CDH12: variants seen among roughly 807,000 people sequenced by gnomAD.
CDH12 encodes the protein cadherin 12.
A neutral mutation model predicts 74.1 loss-of-function variants in CDH12; 41 were observed. That is an observed-to-expected ratio of 0.55 (90% CI 0.43 to 0.72). The LOEUF is 0.72. Ranked by LOEUF, CDH12 falls within the 30% of genes least tolerant of loss-of-function variation. The probability of loss-of-function intolerance (pLI) is 0.00; values close to 1 mark genes in which losing one functional copy is unlikely to be tolerated. For synonymous variants in CDH12, 399 were observed against 355.0 expected, an observed-to-expected ratio of 1.12 and a Z score of -1.39; for missense variants, 945 against 977.2, an observed-to-expected ratio of 0.97 and a Z score of 0.44.
intron 1 of CDH12, among the ~76,000 whole-genome samples, chr5:22,543,572 C>T: frequency 6.6e-6 from 1 of 151,888 alleles, no homozygotes; most frequent in East Asian, 1.9e-4. Flanking sequence ...ACAACTGTAC[C>T]CAAGAAGTAA....
chr5:22,657,034 C>A (rs746121484), intron 1 of CDH12, among the ~76,000 whole-genome samples: 20 of 152,072 alleles, frequency 1.3e-4, no homozygotes, highest in Non-Finnish European at 2.6e-4. Context: ...AGGTATGAGC[C>A]ACCATGCCTG....
intron 1 of CDH12, among the ~76,000 whole-genome samples, chr5:22,539,015 C>A (rs555982494): frequency 6.6e-6 from 1 of 152,324 alleles, no homozygotes; most frequent in South Asian, 2.1e-4. Context: ...CCCACCTCAG[C>A]CTCCTGAGTA....
chr5:21,973,556 C>A (rs1349584827), intron 6 of CDH12, among the ~76,000 whole-genome samples: 1 of 152,024 alleles, frequency 6.6e-6, no homozygotes, highest in Non-Finnish European at 1.5e-5. Flanking sequence ...TTGTTTTATC[C>A]AAGGAGACGG....
intron 4 of CDH12, among the ~76,000 whole-genome samples, chr5:22,109,215 C>A (rs1744675717): frequency 6.6e-6 from 1 of 152,086 alleles, no homozygotes; most frequent in African/African-American, 2.4e-5. Flanking sequence ...AGTTCTGAAC[C>A]ATGTTTTCAA....
At chr5:22,331,036 T>G (rs1041003203) in intron 3 of CDH12, among the ~76,000 whole-genome samples, 1 of 152,064 alleles carries the variant, frequency 6.6e-6, no homozygotes, top group Non-Finnish European at 1.5e-5. Context: ...TGGGTTGTTG[T>G]TGGTGGTGGC....
intron 1 of CDH12, among the ~76,000 whole-genome samples, chr5:22,631,187 G>A (rs1452455712): frequency 6.6e-6 from 1 of 152,104 alleles, no homozygotes; most frequent in East Asian, 1.9e-4. Context: ...ACTGCTGGTG[G>A]GAATGTAGAT....
At chr5:22,619,926 T>C (rs1166163131) in intron 1 of CDH12, among the ~76,000 whole-genome samples, 2 of 152,132 alleles carry the variant, frequency 1.3e-5, no homozygotes, top group Non-Finnish European at 1.5e-5. Context: ...TTTGCTTTAT[T>C]GTTTACATTC....
At chr5:22,500,075 T>G (rs565997674) in intron 2 of CDH12, among the ~76,000 whole-genome samples, 1 of 152,230 alleles carries the variant, frequency 6.6e-6, no homozygotes, top group South Asian at 2.1e-4. Context: ...AATTGGCAAA[T>G]TTAGTTGTAT....
Position 21,908,318 on chromosome 5 carries a change from A to G in CDH12, c.527-53528T>C, listed in dbSNP as rs139753896. Among the ~76,000 whole-genome samples, 323 of 152,320 alleles carry G rather than the reference A, an allele frequency of 2.1e-3. 2 individuals carry two copies. The highest frequency in any genetic ancestry group is 7.4e-3 in the African/African-American group (306 of 41,564). ...TCGTGAGGACAATGTTATGTAACAA[A>G]TACATCCAAACTCGTTTTAAAAACT... On this transcript the variant is annotated intron_variant, in intron 6 of 14. Transcript: ENST00000382254.
intron 2 of CDH12, among the ~76,000 whole-genome samples, chr5:22,442,646 T>G: frequency 6.6e-6 from 1 of 152,156 alleles, no homozygotes. Flanking sequence ...CTGCTAATGC[T>G]CATGCATGAT....
At chr5:22,460,713 ATTTTTTTTTTTTTTT>A (rs3039460) in intron 2 of CDH12, among the ~76,000 whole-genome samples, 1 of 85,622 alleles carries the variant, frequency 1.2e-5, no homozygotes, top group Admixed American at 1.8e-4. Context: ...ATATCTAGCA[ATTTTTTTTTTTTTTT>A]TTTTTTTTTT....
At chr5:22,193,729 T>G (rs1750437895) in intron 4 of CDH12, among the ~76,000 whole-genome samples, 1 of 151,608 alleles carries the variant, frequency 6.6e-6, no homozygotes, top group South Asian at 2.1e-4. Context: ...TTGATGTAGT[T>G]GTTTTATAGA....
At chr5:22,713,279 T>C (rs1019008033) in intron 1 of CDH12, among the ~76,000 whole-genome samples, 1 of 151,480 alleles carries the variant, frequency 6.6e-6, no homozygotes, top group Non-Finnish European at 1.5e-5. Flanking sequence ...TAGCTGGGAC[T>C]ACAGGCACAA....
intron 3 of CDH12, among the ~76,000 whole-genome samples, chr5:22,266,642 T>C (rs538034655): frequency 4.1e-4 from 63 of 152,278 alleles, no homozygotes; most frequent in Non-Finnish European, 7.8e-4. Context: ...TGTACCTTTA[T>C]GTTATGTTAG....
intron 1 of CDH12, among the ~76,000 whole-genome samples, chr5:22,708,330 G>A (rs1743123875): frequency 6.6e-6 from 1 of 152,114 alleles, no homozygotes; most frequent in African/African-American, 2.4e-5. Context: ...TATGTACAAA[G>A]AGACACAAAC....
chr5:22,835,307 T>A (rs1358249026), intron 1 of CDH12, among the ~76,000 whole-genome samples: 1 of 152,152 alleles, frequency 6.6e-6, no homozygotes. Context: ...TGAAAAACAG[T>A]CACATTATTG....
intron 6 of CDH12, among the ~76,000 whole-genome samples, chr5:21,898,634 T>G (rs1446821280): frequency 6.6e-6 from 1 of 151,916 alleles, no homozygotes; most frequent in Non-Finnish European, 1.5e-5. Flanking sequence ...CTTGGGAGGC[T>G]GAGGTTGAAA....
intron 5 of CDH12, among the ~76,000 whole-genome samples, chr5:22,073,174 A>C (rs1374104747): frequency 6.6e-6 from 1 of 152,138 alleles, no homozygotes; most frequent in African/African-American, 2.4e-5. Context: ...GTTGTAATGC[A>C]TTCTTCATCA....
chr5:22,497,683 C>T (rs1269373209), intron 2 of CDH12, among the ~76,000 whole-genome samples: 1 of 128,422 alleles, frequency 7.8e-6, no homozygotes, highest in Non-Finnish European at 1.6e-5. Flanking sequence ...GGCTCTGTCA[C>T]CTAGGCTGGA....
Sources: gnomAD v4.1 joint callset for allele counts (sites outside exome capture counted in the v4.1 genomes callset) on GRCh38, gnomAD v4.1.1 for gene constraint, MANE v1.5 for transcripts, NCBI Gene and HGNC (gene_info 2026-07-23, HGNC 2026-07-21) for gene names.